Variants in CD80 observed in about 807,000 individuals in gnomAD.
CD80 encodes CD80 molecule.
CD80 carries 13 observed loss-of-function variants against 27.1 expected under a neutral mutation model. The observed-to-expected ratio is 0.48, with a 90% CI of 0.31 to 0.76. The LOEUF (loss-of-function observed/expected upper bound fraction) is 0.76. Ranked by LOEUF, CD80 falls within the 30% of genes least tolerant of loss-of-function variation. The probability of loss-of-function intolerance (pLI) is 0.04; values close to 1 mark genes in which losing one functional copy is unlikely to be tolerated. For missense variants in CD80, 277 were observed against 347.9 expected (o/e 0.80, Z 1.62); for synonymous variants, 125 against 125.5 (o/e 1.00, Z 0.03).
chr3:119,553,988 A>G (rs2082249286), intron 2 of CD80, among the ~76,000 whole-genome samples: 1 of 152,232 alleles, frequency 6.6e-6, no homozygotes, highest in South Asian at 2.1e-4. Flanking sequence ...CAAAGGAGAC[A>G]GGCAGAGCTG....
At chr3:119,551,730 G>A (rs1185949663) in intron 2 of CD80, among the ~76,000 whole-genome samples, 1 of 152,150 alleles carries the variant, frequency 6.6e-6, no homozygotes, top group Non-Finnish European at 1.5e-5. Flanking sequence ...GCGATCACAG[G>A]ATACCAGATG....
intron 2 of CD80, among the ~76,000 whole-genome samples, chr3:119,555,671 C>T (rs1477651427): frequency 1.3e-5 from 2 of 152,244 alleles, no homozygotes; most frequent in Non-Finnish European, 2.9e-5. Flanking sequence ...GCCTTCAAAG[C>T]ACGTGGCTTT....
intron 1 of CD80, among the ~76,000 whole-genome samples, 180 bp downstream of exon 1, chr3:119,559,260 C>T (rs1427217038): frequency 6.6e-6 from 1 of 152,132 alleles, no homozygotes; most frequent in Non-Finnish European, 1.5e-5. Context: ...CACTATGATG[C>T]TCCAAATATG....
At chr3:119,542,442 T>C (rs772627955) in intron 3 of CD80, among the ~76,000 whole-genome samples, 8 of 152,112 alleles carry the variant, frequency 5.3e-5, no homozygotes, top group Non-Finnish European at 1.0e-4. Context: ...TTTTATTAAG[T>C]AAGAAGTTTG....
chr3:119,549,676 A>G (rs1224719429), intron 2 of CD80, among the ~76,000 whole-genome samples: 1 of 152,076 alleles, frequency 6.6e-6, no homozygotes, highest in Non-Finnish European at 1.5e-5. Flanking sequence ...TGAACAAGAG[A>G]GTTTTGTGAT....
intron 3 of CD80, among the ~76,000 whole-genome samples, chr3:119,543,264 T>G (rs114204819): frequency 0.021 from 3,168 of 152,356 alleles, 116 homozygotes; most frequent in African/African-American, 0.07. Context: ...CTTGGGTGGT[T>G]ACAAAAGCAA....
chr3:119,549,081 T>TG (rs1354882547), intron 2 of CD80, among the ~76,000 whole-genome samples: 1 of 152,092 alleles, frequency 6.6e-6, no homozygotes, highest in Non-Finnish European at 1.5e-5. Flanking sequence ...AGTCCCTTTC[T>TG]TTCCAGGCCT....
intron 4 of CD80, 24 bp downstream of exon 4, chr3:119,537,113 A>G: frequency 6.3e-7 from 1 of 1,597,080 alleles, no homozygotes; most frequent in Non-Finnish European, 8.6e-7. Context: ...TATAGTAGAA[A>G]CTCCCCAGAA....
At chr3:119,543,520 C>T (rs1019367580) in intron 3 of CD80, among the ~76,000 whole-genome samples, 3 of 150,206 alleles carry the variant, frequency 2.0e-5, no homozygotes, top group Non-Finnish European at 4.4e-5. Context: ...GCAGTGGCAC[C>T]ATCTCTGCTC....
chr3:119,529,194 C>A (rs2082096501), intron 5 of CD80, among the ~76,000 whole-genome samples: 1 of 152,152 alleles, frequency 6.6e-6, no homozygotes, highest in African/African-American at 2.4e-5. Flanking sequence ...AAGTGATCCA[C>A]CTGCCTTGGC....
intron 2 of CD80, among the ~76,000 whole-genome samples, chr3:119,553,870 CTGGT>C (rs1044043582): frequency 5.9e-5 from 9 of 152,204 alleles, no homozygotes; most frequent in African/African-American, 2.2e-4. Context: ...TTTACCGTTC[CTGGT>C]TTGTGCACAC....
Position 119,557,666 on chromosome 3 carries a change from C to T in CD80, c.63G>A (p.Gln21=). Residue 21 remains glutamine, a synonymous_variant, in exon 2 of 7, where the codon CAG becomes CAA. Coordinates refer to ENST00000264246, the MANE Select transcript of CD80 (RefSeq NM_005191.4). ...PSKCPYLNFF[Q]LLVLAGLSHF... ...GAGAAAGACCAGCCAGCACCAAGAG[C>T]TGAAAGAAATTGAGGTATGGACACT... The T allele has an allele frequency of 1.2e-6, 2 of 1,613,698 alleles. No homozygotes were observed. The highest frequency in any genetic ancestry group is 1.7e-6 in the Non-Finnish European group (2 of 1,179,798).
intron 5 of CD80, 43 bp downstream of exon 5, chr3:119,529,799 T>C (rs1483435138): frequency 2.3e-6 from 3 of 1,325,182 alleles, no homozygotes; most frequent in Non-Finnish European, 2.2e-6. Flanking sequence ...TAAAGTTTGA[T>C]CTTCCAGAAT....
chr3:119,529,966 G>C (rs779461129), intron 4 of CD80, 29 bp from the exon 5 acceptor site: 13 of 1,477,986 alleles, frequency 8.8e-6, no homozygotes, highest in South Asian at 2.3e-5. Context: ...AATGTCAGCT[G>C]TAATGTATTT....
intron 6 of CD80, 63 bp from the exon 7 acceptor site, chr3:119,525,812 A>G (rs2082061891): frequency 6.7e-6 from 1 of 149,214 alleles, no homozygotes; most frequent in African/African-American, 2.4e-5. Flanking sequence ...AACATCTTAA[A>G]TTTATTTATA....
intron 3 of CD80, among the ~76,000 whole-genome samples, chr3:119,544,148 A>AAAGTGCTG (rs2082187144): frequency 6.6e-6 from 1 of 152,148 alleles, no homozygotes; most frequent in Non-Finnish European, 1.5e-5. Flanking sequence ...TTGGCCTCCC[A>AAAGTGCTG]AAGTGCTGAG....
chr3:119,544,099 G>A (rs2082186643), intron 3 of CD80, among the ~76,000 whole-genome samples: 1 of 151,992 alleles, frequency 6.6e-6, no homozygotes, highest in Non-Finnish European at 1.5e-5. Flanking sequence ...TGTTGGCCAG[G>A]CTGGTCTTGA....
In CD80 at chr3:119,528,787, G is replaced by A. The variant is rs539665330; in HGVS notation, c.797-946C>T. On this transcript the variant is annotated intron_variant, in intron 5 of 6. Transcript: ENST00000264246. ...AAATACAAAAAAAAATTAGTCAGGC[G>A]TGGCAGCACGCACCTGTAGTCCCAG... 1.5e-4 allele frequency among the ~76,000 whole-genome samples: 23 copies of A among 151,920 alleles called. No individual in the cohort carries two copies. In the South Asian group the frequency reaches 3.3e-3, roughly 22 times the overall value.
At position 119,524,598 on chromosome 3, in the gene CD80, T is replaced by C. The variant is rs2082053309; in HGVS notation, c.*1190A>G. 2 of 152,240 alleles carry C rather than the reference T, an allele frequency of 1.3e-5. No homozygotes were observed. The highest frequency in any genetic ancestry group is 2.4e-5 in the African/African-American group (1 of 41,454). 9.4% of individuals were successfully genotyped at this position (152,240 alleles called of 1,614,324 possible). On this transcript the variant is annotated 3_prime_UTR_variant, in exon 7 of 7. Coordinates refer to ENST00000264246, the MANE Select transcript of CD80 (RefSeq NM_005191.4). The stretch of plus-strand genomic sequence containing the variant: ...CTCTAAAGGCTTTAAATCCCAGCCA[T>C]GTGGCTTAGCTGCCATGAGATGTGC...
Sources: allele counts gnomAD v4.1 joint callset (sites outside exome capture counted in the v4.1 genomes callset), GRCh38; gene constraint gnomAD v4.1.1; transcripts MANE v1.5; gene names NCBI Gene and HGNC (gene_info 2026-07-23, HGNC 2026-07-21).